Variants in CELF1 observed in about 807,000 individuals in gnomAD.
CELF1 encodes 50 kDa nuclear polyadenylated RNA-binding protein.
Under a neutral mutation model 61.8 loss-of-function variants are expected in CELF1, and 10 were observed. The observed-to-expected ratio is 0.16, with a 90% CI of 0.10 to 0.27. The LOEUF (loss-of-function observed/expected upper bound fraction) is 0.27, where lower values mean the gene tolerates loss of function less well. CELF1 is among the 10% of genes least tolerant of loss of function. The pLI is 1.00. For missense variants in CELF1, 380 were observed against 639.1 expected (o/e 0.59, Z 4.37); for synonymous variants, 236 against 225.1 (o/e 1.05, Z -0.43).
Position 47,541,790 on chromosome 11 carries a change from GA to G in CELF1, c.-154+11201del, listed in dbSNP as rs2096804383. Among the ~76,000 whole-genome samples, 4 of 16,806 alleles carry G rather than the reference GA, an allele frequency of 2.4e-4. 1 individual carries two copies. The highest frequency in any genetic ancestry group is 6.6e-4 in the Admixed American group (1 of 1,522). 11.0% of individuals were successfully genotyped at this position (16,806 alleles called of 152,430 possible). On this transcript the variant is annotated intron_variant, in intron 1 of 14. Coordinates refer to ENST00000687097, the MANE Select transcript of CELF1 (RefSeq NM_001376376.1). ...AGAACGAAAGAAAGAACGAAAGAAAGAACGAAAGAAAGAAAGAAAGAAAGAA... is the reference window on the plus strand; with the variant it reads ...AGAACGAAAGAAAGAACGAAAGAAAGACGAAAGAAAGAAAGAAAGAAAGAA...
intron 1 of CELF1, among the ~76,000 whole-genome samples, chr11:47,551,507 T>C (rs1157595187): frequency 6.6e-6 from 1 of 152,218 alleles, no homozygotes; most frequent in Non-Finnish European, 1.5e-5. Context: ...TGCATGCTAT[T>C]GTAATTCCAT....
At chr11:47,545,901 GTGTGTA>G in intron 1 of CELF1, among the ~76,000 whole-genome samples, 4 of 114,970 alleles carry the variant, frequency 3.5e-5, no homozygotes, top group Admixed American at 9.3e-5. Flanking sequence ...GTGTGTGTGT[GTGTGTA>G]TATATATATT....
chr11:47,513,251 T>A (rs2095340723), intron 1 of CELF1, among the ~76,000 whole-genome samples: 1 of 152,256 alleles, frequency 6.6e-6, no homozygotes, highest in African/African-American at 2.4e-5. Flanking sequence ...TTCAACTTTC[T>A]CATTTATATT....
chr11:47,538,598 G>A (rs535568991), intron 1 of CELF1, among the ~76,000 whole-genome samples: 133 of 145,338 alleles, frequency 9.2e-4, no homozygotes, highest in African/African-American at 3.2e-3. Flanking sequence ...AGCCGAGATC[G>A]CGCCACTGCA....
intron 1 of CELF1, among the ~76,000 whole-genome samples, chr11:47,533,091 TA>T (rs887893676): frequency 7.3e-4 from 110 of 151,544 alleles, no homozygotes; most frequent in African/African-American, 2.7e-3. Context: ...TCTATCACAG[TA>T]TTTTTTTTTT....
At chr11:47,477,854 C>T (rs987153988) in intron 10 of CELF1, among the ~76,000 whole-genome samples, 1 of 152,066 alleles carries the variant, frequency 6.6e-6, no homozygotes, top group Non-Finnish European at 1.5e-5. Flanking sequence ...ATGCAGAAGG[C>T]CCAGGAGCAA....
At chr11:47,489,955 T>TTTTTTTTTTTA (rs71042675) in intron 3 of CELF1, among the ~76,000 whole-genome samples, 2 of 141,284 alleles carry the variant, frequency 1.4e-5, no homozygotes, top group African/African-American at 2.6e-5. Flanking sequence ...TTTTTTTTTT[T>TTTTTTTTTTTA]GAGACGGAAT....
At chr11:47,560,528 T>C (rs1375888053) in intron 2 of CELF1, among the ~76,000 whole-genome samples, 1 of 152,170 alleles carries the variant, frequency 6.6e-6, no homozygotes, top group Non-Finnish European at 1.5e-5. Flanking sequence ...ATGTTTGGAA[T>C]AGGCAGATCC....
intron 14 of CELF1, 120 bp from the exon 15 acceptor site, chr11:47,472,477 A>G (rs541484629): frequency 3.7e-6 from 4 of 1,069,972 alleles, no homozygotes; most frequent in African/African-American, 3.1e-5. Context: ...CAGCAGGGAC[A>G]AGAAATCTGG....
intron 6 of CELF1, among the ~76,000 whole-genome samples, chr11:47,486,203 T>G (rs1184688922): frequency 6.6e-6 from 1 of 150,564 alleles, no homozygotes; most frequent in African/African-American, 2.4e-5. Context: ...CCTTCCTAAT[T>G]TGTTCATTTT....
rs546769116 is a variant in CELF1 at position 47,471,114 on chromosome 11, C to T, written c.*1116G>A. 6.6e-6 allele frequency: 1 copy of T among 152,382 alleles called. No individual in the cohort carries two copies. The highest frequency in any genetic ancestry group is 1.5e-5 in the Non-Finnish European group (1 of 68,096). The allele number at this position is 152,382 out of a possible 1,614,324, so 9.4% of individuals were successfully genotyped here. ...CAATCAAGGAGGCAAGGGAGAATTT[C>T]TGGCCACTGGCAAATGAAGCATACT... On this transcript the variant is annotated 3_prime_UTR_variant, in exon 15 of 15. Coordinates refer to ENST00000687097, the MANE Select transcript of CELF1 (RefSeq NM_001376376.1).
At chr11:47,483,405 A>C (rs778724192) in intron 8 of CELF1, 48 bp downstream of exon 8, 2 of 1,470,302 alleles carry the variant, frequency 1.4e-6, no homozygotes, top group Admixed American at 3.3e-5. Flanking sequence ...CAACTGTCCC[A>C]GCATTCCCAA....
In CELF1 at chr11:47,518,030, C is replaced by A. The variant is rs1206523490; in HGVS notation, c.-153-17098G>T. On this transcript the variant is annotated intron_variant, in intron 1 of 14. Coordinates refer to ENST00000687097, the MANE Select transcript of CELF1 (RefSeq NM_001376376.1). ...GTATCCCCTTGTCCACTTCCCCCTG[C>A]AACCCATAAGTCCATTCCTACCACT... 2.0e-5 allele frequency among the ~76,000 whole-genome samples: 3 copies of A among 152,256 alleles called. No individual in the cohort carries two copies. In the East Asian group the frequency reaches 5.8e-4, roughly 29 times the overall value.
Position 47,488,818 on chromosome 11 carries a change from C to A in CELF1, c.259+19G>T. The A allele has an allele frequency of 7.0e-7, 1 of 1,425,026 alleles. No individual in the cohort carries two copies. Among genetic ancestry groups the A allele is most frequent in the Non-Finnish European group, 9.2e-7 (1 of 1,081,970 alleles). The allele number at this position is 1,425,026 out of a possible 1,614,324, so 88.3% of individuals were successfully genotyped here. On this transcript the variant is annotated intron_variant, in intron 4 of 14. Transcript: ENST00000687097. ...AGTCAGTGGAAAAAATAAGATAAAC[C>A]AAAACCCAAAGCCCTAACCTTTGCT...
intron 1 of CELF1, among the ~76,000 whole-genome samples, chr11:47,511,142 C>T (rs1447216393): frequency 1.3e-5 from 2 of 152,116 alleles, no homozygotes; most frequent in Non-Finnish European, 2.9e-5. Flanking sequence ...GCTGTGATGG[C>T]ACCACTGCAC....
chr11:47,553,112 G>T lies in CELF1; in HGVS notation c.-274C>A, dbSNP rs976598215. On this transcript the variant is annotated 5_prime_UTR_variant, in exon 1 of 15. Transcript: ENST00000687097. ...GCCTCCGCGTCCCGCCGCCGCTGCC[G>T]CTGCCGCCAGAGCAGAACACCCCAA... The T allele has an allele frequency of 4.3e-5, 17 of 398,120 alleles. No individual in the cohort carries two copies. Among genetic ancestry groups the T allele is most frequent in the Admixed American group, 2.2e-4 (5 of 22,646 alleles). 24.7% of individuals were successfully genotyped at this position (398,120 alleles called of 1,614,324 possible).
chr11:47,492,857 T>C (rs1014785215), intron 3 of CELF1, among the ~76,000 whole-genome samples: 3 of 152,210 alleles, frequency 2.0e-5, no homozygotes, highest in Non-Finnish European at 2.9e-5. Context: ...CTATTTCTAT[T>C]CTAGAGTGGG....
chr11:47,499,586 TAC>T lies in CELF1; in HGVS notation c.-65_-64del. On this transcript the variant is annotated 5_prime_UTR_variant, in exon 3 of 15. Transcript: ENST00000687097. Reference sequence around the variant, plus strand: ...TTGCTGCACTTGTCTGATCCACAAATACACACAGCTTTAGCTTCCTGGGCCCC... The same window carrying T: ...TTGCTGCACTTGTCTGATCCACAAATACACAGCTTTAGCTTCCTGGGCCCC... 1.5e-6 allele frequency: 2 copies of T among 1,328,992 alleles called. No individual in the cohort carries two copies. The highest frequency in any genetic ancestry group is 2.1e-6 in the Non-Finnish European group (2 of 959,408). 82.3% of individuals were successfully genotyped at this position (1,328,992 alleles called of 1,614,324 possible).
At chr11:47,505,033 A>G (rs543350387) in intron 1 of CELF1, among the ~76,000 whole-genome samples, 2 of 151,516 alleles carry the variant, frequency 1.3e-5, no homozygotes, top group East Asian at 3.9e-4. Flanking sequence ...CTGAAAGGAT[A>G]TGACAAAAAC....
Sources: gnomAD v4.1 joint callset for allele counts (sites outside exome capture counted in the v4.1 genomes callset) on GRCh38, gnomAD v4.1.1 for gene constraint, MANE v1.5 for transcripts, NCBI Gene and HGNC (gene_info 2026-07-23, HGNC 2026-07-21) for gene names.